MDFIC2: variants seen among roughly 807,000 people sequenced by gnomAD.
The protein encoded by MDFIC2 is MyoD family inhibitor domain containing 2, also known as myoD family inhibitor domain-containing protein 2.
intron 2 of MDFIC2, among the ~76,000 whole-genome samples, chr3:70,304,224 T>C (rs1422367307): frequency 6.6e-6 from 1 of 152,160 alleles, no homozygotes; most frequent in Non-Finnish European, 1.5e-5. Flanking sequence ...CATGACACGT[T>C]CTTTCCTGCC....
intron 2 of MDFIC2, among the ~76,000 whole-genome samples, chr3:70,221,612 G>A (rs925324851): frequency 6.6e-6 from 1 of 152,080 alleles, no homozygotes; most frequent in Non-Finnish European, 1.5e-5. Context: ...CATTCCTTCT[G>A]TGCTGTCTCT....
intron 2 of MDFIC2, among the ~76,000 whole-genome samples, chr3:70,233,680 C>A (rs142075987): frequency 6.6e-6 from 1 of 152,106 alleles, no homozygotes; most frequent in Non-Finnish European, 1.5e-5. Flanking sequence ...AGGCAACCTG[C>A]GACCCATTCT....
intron 2 of MDFIC2, among the ~76,000 whole-genome samples, chr3:70,240,752 G>A (rs187278328): frequency 1.1e-4 from 17 of 152,238 alleles, no homozygotes; most frequent in African/African-American, 3.4e-4. Context: ...TGCACGAGAA[G>A]ACAGAAGCAA....
At chr3:70,304,175 G>T (rs1702378278) in intron 2 of MDFIC2, among the ~76,000 whole-genome samples, 1 of 152,148 alleles carries the variant, frequency 6.6e-6, no homozygotes, top group Admixed American at 6.5e-5. Flanking sequence ...CTTGGGTGAA[G>T]ATGTCCCAGT....
At chr3:70,236,264 T>C (rs1701607826) in intron 2 of MDFIC2, among the ~76,000 whole-genome samples, 1 of 152,186 alleles carries the variant, frequency 6.6e-6, no homozygotes, top group African/African-American at 2.4e-5. Flanking sequence ...AAATAACTTT[T>C]CCAGAGACAT....
intron 2 of MDFIC2, among the ~76,000 whole-genome samples, chr3:70,297,219 T>C (rs545780706): frequency 6.6e-6 from 1 of 152,256 alleles, no homozygotes; most frequent in Non-Finnish European, 1.5e-5. Flanking sequence ...TTTGCCTAGC[T>C]CTTGGTAATT....
chr3:70,228,567 A>C (rs548387989), intron 2 of MDFIC2, among the ~76,000 whole-genome samples: 5 of 151,746 alleles, frequency 3.3e-5, no homozygotes, highest in Middle Eastern at 3.4e-3. Context: ...TAGATTAAGT[A>C]AATGAAAGGA....
intron 2 of MDFIC2, among the ~76,000 whole-genome samples, chr3:70,297,022 A>G (rs923649615): frequency 6.6e-6 from 1 of 151,978 alleles, no homozygotes; most frequent in Non-Finnish European, 1.5e-5. Context: ...ATACGCACAT[A>G]CTATGGCTTA....
intron 2 of MDFIC2, among the ~76,000 whole-genome samples, chr3:70,282,193 C>G (rs11924537): frequency 0.21 from 32,110 of 152,034 alleles, 3,646 homozygotes; most frequent in African/African-American, 0.28. Context: ...AATCAAAAAA[C>G]CCTTCTTTCC....
intron 3 of MDFIC2, chr3:70,205,182 C>G (rs903780070): frequency 6.6e-6 from 1 of 152,076 alleles, no homozygotes; most frequent in Non-Finnish European, 1.5e-5. Context: ...CACTCCTGGT[C>G]TCTGGATTTT....
At chr3:70,308,176 T>C (rs1337772441) in intron 2 of MDFIC2, among the ~76,000 whole-genome samples, 2 of 152,156 alleles carry the variant, frequency 1.3e-5, no homozygotes, top group Non-Finnish European at 2.9e-5. Flanking sequence ...TCAGTCTGTC[T>C]AGTAGTTGGG....
Position 70,299,586 on chromosome 3 carries a change from C to T in MDFIC2, c.88+12300G>A, listed in dbSNP as rs76562217. On this transcript the variant is annotated intron_variant, in intron 2 of 3. Coordinates refer to ENST00000567252, the MANE Select transcript of MDFIC2 (RefSeq NM_001364677.1). ...CATGGCCAAGGCTCGTTGGAGTCAG[C>T]GTTCTCTTGGGTGCCAGCCCTTTGT... Among the ~76,000 whole-genome samples the T allele has an allele frequency of 6.2e-3, 940 of 152,242 alleles. 13 individuals are homozygous for T. Among genetic ancestry groups the T allele is most frequent in the African/African-American group, 0.022 (895 of 41,560 alleles).
intron 2 of MDFIC2, among the ~76,000 whole-genome samples, chr3:70,237,610 C>A (rs903460522): frequency 6.6e-6 from 1 of 152,202 alleles, no homozygotes; most frequent in African/African-American, 2.4e-5. Flanking sequence ...CAGAGCTAAA[C>A]CTAGTGTCCT....
intron 2 of MDFIC2, among the ~76,000 whole-genome samples, chr3:70,305,741 T>C (rs1702393926): frequency 1.3e-5 from 2 of 152,218 alleles, no homozygotes; most frequent in Admixed American, 1.3e-4. Flanking sequence ...TTGTCTTCAC[T>C]TAGAATTAAA....
chr3:70,223,687 C>T (rs1286137705), intron 2 of MDFIC2, among the ~76,000 whole-genome samples: 2 of 152,034 alleles, frequency 1.3e-5, no homozygotes, highest in Non-Finnish European at 2.9e-5. Context: ...TTTCTTTTCC[C>T]AAGTTATTTC....
chr3:70,236,137 A>G (rs1701606457), intron 2 of MDFIC2, among the ~76,000 whole-genome samples: 1 of 152,110 alleles, frequency 6.6e-6, no homozygotes, highest in African/African-American at 2.4e-5. Context: ...TGACCTGTTG[A>G]CCTTATTCAT....
intron 2 of MDFIC2, among the ~76,000 whole-genome samples, chr3:70,293,324 A>G (rs907656025): frequency 3.3e-5 from 5 of 152,146 alleles, no homozygotes; most frequent in African/African-American, 7.2e-5. Flanking sequence ...ACTGTGATAT[A>G]GTTGTATATG....
intron 2 of MDFIC2, among the ~76,000 whole-genome samples, chr3:70,282,585 G>T (rs1185835610): frequency 1.3e-5 from 2 of 152,104 alleles, no homozygotes; most frequent in African/African-American, 4.8e-5. Context: ...CAGGAACTTT[G>T]CACTTGCTAT....
At chr3:70,263,741 C>T (rs970220350) in intron 2 of MDFIC2, among the ~76,000 whole-genome samples, 1 of 152,134 alleles carries the variant, frequency 6.6e-6, no homozygotes, top group African/African-American at 2.4e-5. Context: ...TCTGCCTCCC[C>T]AAATTTCAAT....
Sources: gnomAD v4.1 joint callset for allele counts (sites outside exome capture counted in the v4.1 genomes callset) on GRCh38, gnomAD v4.1.1 for gene constraint, MANE v1.5 for transcripts, NCBI Gene and HGNC (gene_info 2026-07-23, HGNC 2026-07-21) for gene names.